SNRPA1: variants seen among roughly 807,000 people sequenced by gnomAD.
SNRPA1 encodes the protein U2 small nuclear ribonucleoprotein A'.
SNRPA1 carries 5 observed loss-of-function variants against 32.3 expected under a neutral mutation model. The ratio of observed to expected loss-of-function variants is 0.15; its 90% CI spans 0.08 to 0.33. The LOEUF is 0.33. SNRPA1 is among the 10% of genes least tolerant of loss of function. The probability of loss-of-function intolerance (pLI) is 1.00; values close to 1 mark genes in which losing one functional copy is unlikely to be tolerated. For missense variants in SNRPA1, 198 were observed against 311.1 expected, an observed-to-expected ratio of 0.64 and a Z score of 2.74; for synonymous variants, 111 against 120.1, an observed-to-expected ratio of 0.92 and a Z score of 0.50.
intron 8 of SNRPA1, among the ~76,000 whole-genome samples, chr15:101,283,805 T>C (rs1301763032): frequency 1.3e-5 from 2 of 152,066 alleles, no homozygotes; most frequent in Non-Finnish European, 2.9e-5. Flanking sequence ...CCGGGCACGG[T>C]AGCAGGTGCC....
Position 101,285,767 on chromosome 15 carries a change from T to G in SNRPA1, c.574A>C (p.Lys192Gln). 6.2e-7 allele frequency: 1 copy of G among 1,613,964 alleles called. No homozygotes were observed. The highest frequency in any genetic ancestry group is 1.3e-5 in the African/African-American group (1 of 75,052). Residue 192 changes from lysine to glutamine, a missense_variant, in exon 7 of 9, where the codon AAG (lysine) becomes CAG (glutamine). Transcript: ENST00000254193. The stretch of plus-strand genomic sequence containing the variant: ...TCCCCTGGAGATGGCCCACCTTTCT[T>G]TTTGTCAGTTGGCAAACCAGCACCT... ...NPGAGLPTDK[K>Q]KGGPSPGDVE...
chr15:101,292,422 G>A (rs1297156019), intron 2 of SNRPA1, among the ~76,000 whole-genome samples: 6 of 152,052 alleles, frequency 3.9e-5, no homozygotes, highest in Non-Finnish European at 7.4e-5. Flanking sequence ...GTTAACCTAT[G>A]AGAAATATTT....
chr15:101,282,038 A>T (rs866955213), intron 8 of SNRPA1, among the ~76,000 whole-genome samples: 7 of 152,236 alleles, frequency 4.6e-5, no homozygotes, highest in Non-Finnish European at 7.3e-5. Flanking sequence ...ATTGTAGTTG[A>T]TAATAATTCA....
intron 3 of SNRPA1, among the ~76,000 whole-genome samples, chr15:101,289,509 C>T (rs1028369059): frequency 2.0e-5 from 3 of 152,064 alleles, no homozygotes; most frequent in South Asian, 4.1e-4. Context: ...GATTGAAGAA[C>T]GGGTGGGACA....
chr15:101,288,367 C>T (rs10152348), intron 3 of SNRPA1: 52,462 of 151,828 alleles, frequency 0.35, 9,487 homozygotes, highest in African/African-American at 0.43. Flanking sequence ...CTGCCTCAGC[C>T]TCCCAAGTAG....
In SNRPA1 at chr15:101,284,961, G is replaced by C; in HGVS notation, c.709+6C>G. On this transcript the variant is annotated splice_donor_region_variant and intron_variant, in intron 8 of 8. Coordinates refer to ENST00000254193, the MANE Select transcript of SNRPA1 (RefSeq NM_003090.4). ...TTTGAACATACAAAGAACACCATTT[G>C]TTCACCTGATCTGCGTTCTCTGCCA... The C allele has an allele frequency of 1.2e-6, 2 of 1,606,338 alleles. No homozygotes were observed. Among genetic ancestry groups the C allele is most frequent in the Non-Finnish European group, 1.7e-6 (2 of 1,173,082 alleles).
At position 101,286,952 on chromosome 15, in the gene SNRPA1, C is replaced by A. The variant is rs2039461532; in HGVS notation, c.415G>T (p.Val139Phe). The A allele has an allele frequency of 6.2e-7, 1 of 1,608,102 alleles. No homozygotes were observed. Among genetic ancestry groups the A allele is most frequent in the East Asian group, 2.2e-5 (1 of 44,794 alleles). ...KHYRLYVIYKVPQVRVLDFQK... is the reference protein window; with the variant it reads ...KHYRLYVIYKFPQVRVLDFQK... The stretch of plus-strand genomic sequence containing the variant: ...AAATCCAGTACTCTGACTTGCGGAA[C>A]TTTATAAATCACATACAATCTGTAA... The change falls in exon 5 of 9, where the codon GTT becomes TTT. Residue 139 changes from valine to phenylalanine, a missense_variant. By Grantham distance (50) the Val-to-Phe change is conservative. Transcript: ENST00000254193.
chr15:101,286,126 G>A (rs1462120473), intron 6 of SNRPA1, 88 bp downstream of exon 6: 3 of 1,072,632 alleles, frequency 2.8e-6, no homozygotes, highest in African/African-American at 1.6e-5. Flanking sequence ...CAGAGTTTTT[G>A]GTTAATTTTG....
Position 101,285,693 on chromosome 15 carries a change from CATTCCAGTCCAAG to C in SNRPA1, c.615+20_615+32del. 7.0e-7 allele frequency: 1 copy of C among 1,432,476 alleles called. No individual in the cohort carries two copies. Among genetic ancestry groups the C allele is most frequent in the Non-Finnish European group, 9.9e-7 (1 of 1,014,300 alleles). 88.7% of individuals were successfully genotyped at this position (1,432,476 alleles called of 1,614,324 possible). A position where few individuals can be genotyped will look rare whatever the true frequency, so the allele number is the denominator to read the frequency against. On this transcript the variant is annotated intron_variant, in intron 7 of 8. Coordinates refer to ENST00000254193, the MANE Select transcript of SNRPA1 (RefSeq NM_003090.4). ...TTTGTGTTCTGAACCCATCTTAGCT[CATTCCAGTCCAAG>C]AATCCTAACACATGATTACCTTGAT... is the stretch of plus-strand genomic sequence containing the variant.
At position 101,285,727 on chromosome 15, in the gene SNRPA1, T is replaced by C; in HGVS notation, c.614A>G (p.Lys205Arg). 6.2e-7 allele frequency: 1 copy of C among 1,610,472 alleles called. No homozygotes were observed. Among genetic ancestry groups the C allele is most frequent in the Non-Finnish European group, 8.5e-7 (1 of 1,176,670 alleles). Residue 205 changes from lysine to arginine, a missense_variant and splice_region_variant, in exon 7 of 9, where the codon AAG becomes AGG. Lys to Arg is a conservative substitution (Grantham distance 26). Transcript: ENST00000254193. The stretch of plus-strand genomic sequence containing the variant: ...CCAAGAATCCTAACACATGATTACC[T>C]TGATTGCTTCTACATCCCCTGGAGA... Reference protein sequence around the residue: ...GPSPGDVEAIKNAIANASTLA... With the variant: ...GPSPGDVEAIRNAIANASTLA...
chr15:101,293,256 T>C lies in SNRPA1; in HGVS notation c.83-84A>G. 4 of 918,682 alleles carry C rather than the reference T, an allele frequency of 4.4e-6. No homozygotes were observed. The East Asian group carries it at 1.1e-4, about 26-fold the overall frequency. The allele number at this position is 918,682 out of a possible 1,614,324, so 56.9% of individuals were successfully genotyped here. On this transcript the variant is annotated intron_variant, in intron 1 of 8. Transcript: ENST00000254193. ...AAAGCATTAGCTGTATTTCATAGTATCTGACTCCAGGCTTTGATTTATTCA... is the reference window on the plus strand; with the variant it reads ...AAAGCATTAGCTGTATTTCATAGTACCTGACTCCAGGCTTTGATTTATTCA...
intron 8 of SNRPA1, among the ~76,000 whole-genome samples, chr15:101,283,773 G>A (rs2039423379): frequency 6.6e-6 from 1 of 152,084 alleles, no homozygotes; most frequent in African/African-American, 2.4e-5. Flanking sequence ...GTGAAACGCT[G>A]TCTCTACTAA....
chr15:101,292,673 T>C (rs1051719876), intron 2 of SNRPA1, among the ~76,000 whole-genome samples: 2 of 151,820 alleles, frequency 1.3e-5, no homozygotes, highest in Non-Finnish European at 2.9e-5. Context: ...CCTTTGATAA[T>C]TGTTTTAGAA....
intron 5 of SNRPA1, chr15:101,286,501 A>C (rs2039456064): frequency 1.9e-6 from 1 of 512,830 alleles, no homozygotes; most frequent in Admixed American, 3.7e-5. Context: ...AGCTCCAAGG[A>C]GGGGATCCCA....
Position 101,281,638 on chromosome 15 carries a change from T to C in SNRPA1, c.*86A>G. 2 of 937,074 alleles carry C rather than the reference T, an allele frequency of 2.1e-6. No homozygotes were observed. Among genetic ancestry groups the C allele is most frequent in the Non-Finnish European group, 3.5e-6 (2 of 569,846 alleles). 58.0% of individuals were successfully genotyped at this position (937,074 alleles called of 1,614,324 possible). On this transcript the variant is annotated 3_prime_UTR_variant, in exon 9 of 9. Coordinates refer to ENST00000254193, the MANE Select transcript of SNRPA1 (RefSeq NM_003090.4). ...TCAACAATGCTGATAGATTCCACTTTGCTAACACAAACAAGGCTATTATAC... is the reference window on the plus strand; with the variant it reads ...TCAACAATGCTGATAGATTCCACTTCGCTAACACAAACAAGGCTATTATAC...
chr15:101,282,715 T>TC, intron 8 of SNRPA1, among the ~76,000 whole-genome samples: 1 of 152,328 alleles, frequency 6.6e-6, no homozygotes, highest in South Asian at 2.1e-4. Flanking sequence ...GCCATGTAAT[T>TC]ACACATCAAA....
At position 101,283,567 on chromosome 15, in the gene SNRPA1, AAAC is replaced by A. The variant is rs143497199; in HGVS notation, c.709+1397_709+1399del. On this transcript the variant is annotated intron_variant, in intron 8 of 8. Transcript: ENST00000254193. ...GGCGACAGAGCGAGACTCCGTCTCAAAACAACAACAACAACAAAATCAGTCTTC... is the reference window on the plus strand; with the variant it reads ...GGCGACAGAGCGAGACTCCGTCTCAAAACAACAACAACAAAATCAGTCTTC... Among the ~76,000 whole-genome samples the A allele has an allele frequency of 1.9e-4, 29 of 152,140 alleles. 1 individual carries two copies. Among genetic ancestry groups the A allele is most frequent in the South Asian group, 1.9e-3 (9 of 4,824 alleles).
chr15:101,292,116 G>A (rs2039532679), intron 2 of SNRPA1, 76 bp from the exon 3 acceptor site: 3 of 979,232 alleles, frequency 3.1e-6, no homozygotes, highest in Admixed American at 1.8e-5. Context: ...TTGCTCAGAG[G>A]ATCACAGAGA....
chr15:101,282,583 T>C (rs1348425747), intron 8 of SNRPA1, among the ~76,000 whole-genome samples: 1 of 152,250 alleles, frequency 6.6e-6, no homozygotes, highest in Non-Finnish European at 1.5e-5. Flanking sequence ...ACCTTATCAA[T>C]GAACTTTTCA....
Sources: gnomAD v4.1 joint callset for allele counts (sites outside exome capture counted in the v4.1 genomes callset) on GRCh38, gnomAD v4.1.1 for gene constraint, MANE v1.5 for transcripts, NCBI Gene and HGNC (gene_info 2026-07-23, HGNC 2026-07-21) for gene names.